The following ZNF385B variants were observed in gnomAD, a reference collection of about 807,000 sequenced individuals.
ZNF385B encodes the protein zinc finger protein 533.
In ZNF385B, 23 loss-of-function variants were observed where a neutral mutation model predicts 39.2. That is an observed-to-expected ratio of 0.59 (90% CI 0.42 to 0.83). The LOEUF is 0.83. Among genes scored for constraint, ZNF385B ranks in the 40% least tolerant of loss-of-function variants. ZNF385B has a pLI of 0.00. For missense variants in ZNF385B, 552 were observed against 598.9 expected, an observed-to-expected ratio of 0.92 and a Z score of 0.82; for synonymous variants, 205 against 222.6, an observed-to-expected ratio of 0.92 and a Z score of 0.70.
In ZNF385B at chr2:179,745,862, C is replaced by T. The variant is rs75680717; in HGVS notation, c.298+23641G>A. 2.4e-3 allele frequency: 3,220 copies of T among 1,331,680 alleles called. 69 individuals carry two copies. The African/African-American group carries it at 0.041, about 17-fold the overall frequency. The allele number at this position is 1,331,680 out of a possible 1,614,324, so 82.5% of individuals were successfully genotyped here. ...CCAGCCCTGATTATCTGTGTGACAGCACCACGTTATATCAGTGCCGCTCCA... is the reference window on the plus strand; with the variant it reads ...CCAGCCCTGATTATCTGTGTGACAGTACCACGTTATATCAGTGCCGCTCCA... On this transcript the variant is annotated intron_variant, in intron 3 of 9. Coordinates refer to ENST00000410066, the MANE Select transcript of ZNF385B (RefSeq NM_152520.6).
At chr2:179,790,431 C>T (rs7590996) in intron 1 of ZNF385B, among the ~76,000 whole-genome samples, 44,383 of 152,038 alleles carry the variant, frequency 0.29, 6,726 homozygotes, top group African/African-American at 0.34. Context: ...CCCAAATCCA[C>T]ATGCCCAGGC....
chr2:179,670,229 T>C (rs1426784350), intron 3 of ZNF385B, among the ~76,000 whole-genome samples: 1 of 150,242 alleles, frequency 6.7e-6, no homozygotes, highest in African/African-American at 2.5e-5. Flanking sequence ...GAGGCGGAGC[T>C]TGCAGTGGGC....
intron 5 of ZNF385B, among the ~76,000 whole-genome samples, chr2:179,506,376 C>T (rs1276447998): frequency 2.0e-5 from 3 of 151,996 alleles, no homozygotes; most frequent in African/African-American, 7.2e-5. Context: ...GTAGCTCATA[C>T]ATAAAATATT....
intron 6 of ZNF385B, among the ~76,000 whole-genome samples, chr2:179,469,319 C>T (rs2052476940): frequency 6.6e-6 from 1 of 152,164 alleles, no homozygotes; most frequent in Non-Finnish European, 1.5e-5. Flanking sequence ...AAAAAAATCT[C>T]ATAATGTTTT....
At chr2:179,772,172 C>A (rs1163588922) in intron 1 of ZNF385B, among the ~76,000 whole-genome samples, 2 of 151,994 alleles carry the variant, frequency 1.3e-5, no homozygotes, top group African/African-American at 2.4e-5. Flanking sequence ...GGAAATTATT[C>A]TACTTTTGAT....
chr2:179,629,967 G>T (rs920267354), intron 3 of ZNF385B, among the ~76,000 whole-genome samples: 4 of 152,260 alleles, frequency 2.6e-5, no homozygotes, highest in African/African-American at 7.2e-5. Flanking sequence ...TGGGGGAGGG[G>T]TGTCTGCCAT....
chr2:179,514,212 G>T (rs752553396), intron 5 of ZNF385B: 6 of 152,620 alleles, frequency 3.9e-5, no homozygotes, highest in Admixed American at 2.6e-4. Flanking sequence ...TCTAGAGGTT[G>T]CCCACATTCC....
At chr2:179,742,537 G>A (rs906123496) in intron 3 of ZNF385B, among the ~76,000 whole-genome samples, 3 of 151,858 alleles carry the variant, frequency 2.0e-5, no homozygotes, top group East Asian at 3.9e-4. Context: ...CTCAGAGTTC[G>A]ATATTTTTAT....
chr2:179,566,674 G>T (rs1684616223), intron 3 of ZNF385B, among the ~76,000 whole-genome samples: 1 of 152,062 alleles, frequency 6.6e-6, no homozygotes, highest in Admixed American at 6.5e-5. Flanking sequence ...TGAATTTTTA[G>T]AACTCAGAAA....
At chr2:179,451,491 C>T (rs2050152415) in intron 6 of ZNF385B, among the ~76,000 whole-genome samples, 2 of 152,018 alleles carry the variant, frequency 1.3e-5, no homozygotes, top group African/African-American at 4.8e-5. Context: ...AGGGCAGACA[C>T]TTTCCTTTTA....
intron 3 of ZNF385B, among the ~76,000 whole-genome samples, chr2:179,727,595 T>C (rs1166459852): frequency 6.6e-6 from 1 of 152,098 alleles, no homozygotes; most frequent in Non-Finnish European, 1.5e-5. Flanking sequence ...GTAGCCATTC[T>C]GCTTAGATAT....
At chr2:179,537,835 A>AATCTTTGTT (rs1246450596) in intron 4 of ZNF385B, among the ~76,000 whole-genome samples, 1 of 152,152 alleles carries the variant, frequency 6.6e-6, no homozygotes, top group Non-Finnish European at 1.5e-5. Flanking sequence ...ATTTGTACAA[A>AATCTTTGTT]ATCTTTGTTA....
intron 1 of ZNF385B, among the ~76,000 whole-genome samples, chr2:179,850,630 A>G (rs1709033147): frequency 6.6e-6 from 1 of 152,176 alleles, no homozygotes; most frequent in African/African-American, 2.4e-5. Context: ...TCCTCTTGCT[A>G]AAGGGGGTTA....
intron 4 of ZNF385B, among the ~76,000 whole-genome samples, chr2:179,542,384 T>C (rs909115156): frequency 5.9e-5 from 9 of 152,216 alleles, no homozygotes; most frequent in Non-Finnish European, 1.2e-4. Flanking sequence ...TTATTTCATG[T>C]AGTTCTTTGT....
chr2:179,508,417 A>G lies in ZNF385B; in HGVS notation c.552+10111T>C, dbSNP rs561219550. ...TCCATACCAAGTAAAGAAGGAAAAT[A>G]CACAAACCCTCAACAATCTTTTTCC... On this transcript the variant is annotated intron_variant, in intron 5 of 9. Coordinates refer to ENST00000410066, the MANE Select transcript of ZNF385B (RefSeq NM_152520.6). Among the ~76,000 whole-genome samples the G allele has an allele frequency of 1.2e-4, 19 of 152,364 alleles. No homozygotes were observed. In the East Asian group the frequency reaches 3.7e-3, roughly 29 times the overall value.
At chr2:179,478,966 T>C (rs2053704321) in intron 6 of ZNF385B, among the ~76,000 whole-genome samples, 1 of 152,060 alleles carries the variant, frequency 6.6e-6, no homozygotes, top group African/African-American at 2.4e-5. Context: ...CTGGCCAATA[T>C]GTTCTAGCCA....
At chr2:179,545,060 G>A in intron 3 of ZNF385B, 91 bp from the exon 4 acceptor site, 2 of 1,529,410 alleles carry the variant, frequency 1.3e-6, no homozygotes, top group Non-Finnish European at 1.8e-6. Context: ...CTGTTGAGCT[G>A]CAACTTGCAA....
chr2:179,457,512 A>G (rs982505725), intron 6 of ZNF385B, among the ~76,000 whole-genome samples: 2 of 152,146 alleles, frequency 1.3e-5, no homozygotes, highest in Non-Finnish European at 1.5e-5. Context: ...GAAAATTTCA[A>G]TTGTTTCACA....
intron 5 of ZNF385B, among the ~76,000 whole-genome samples, chr2:179,506,887 A>G (rs1047961609): frequency 6.6e-6 from 1 of 152,158 alleles, no homozygotes; most frequent in Non-Finnish European, 1.5e-5. Context: ...ATTATTTATT[A>G]GAACTAAAAC....
Sources: gnomAD v4.1 joint callset for allele counts (sites outside exome capture counted in the v4.1 genomes callset) on GRCh38, gnomAD v4.1.1 for gene constraint, MANE v1.5 for transcripts, NCBI Gene and HGNC (gene_info 2026-07-23, HGNC 2026-07-21) for gene names.